PDE3A: variants seen among roughly 807,000 people sequenced by gnomAD.
The protein encoded by PDE3A is phosphodiesterase 3A.
In PDE3A, 43 loss-of-function variants were observed where a neutral mutation model predicts 98.3. The observed-to-expected ratio is 0.44, with a 90% CI of 0.34 to 0.56. PDE3A has a LOEUF of 0.56. PDE3A is among the 20% of genes least tolerant of loss of function. PDE3A has a pLI of 0.01. For synonymous variants in PDE3A, 663 were observed against 567.9 expected (o/e 1.17, Z -2.38); for missense variants, 1,427 against 1,440.7 (o/e 0.99, Z 0.15).
chr12:20,654,305 TA>T (rs1380918879), intron 15 of PDE3A, 100 bp downstream of exon 15: 41 of 1,133,608 alleles, frequency 3.6e-5, no homozygotes. Flanking sequence ...ACTTCAAGTC[TA>T]AACATCATTT....
At chr12:20,668,758 A>G (rs370429812) in intron 15 of PDE3A, among the ~76,000 whole-genome samples, 4 of 151,444 alleles carry the variant, frequency 2.6e-5, no homozygotes, top group Non-Finnish European at 4.4e-5. Context: ...AAAAAACAGA[A>G]CAGAAAAACT....
chr12:20,552,942 C>T lies in PDE3A; in HGVS notation c.961-3718C>T, dbSNP rs1190365684. 5 of 1,572,446 alleles carry T rather than the reference C, an allele frequency of 3.2e-6. No individual in the cohort carries two copies. The highest frequency in any genetic ancestry group is 1.4e-5 in the African/African-American group (1 of 73,830). On this transcript the variant is annotated intron_variant, in intron 1 of 15. Transcript: ENST00000359062. The surrounding 1 kb of genome is among the most constrained non-coding windows in gnomAD (Gnocchi z 5.1). The stretch of plus-strand genomic sequence containing the variant: ...GCTACGACCTGGGCCGCAGCTATGC[C>T]ATGCAGGTGAACCAGCCTCTGCAGA...
chr12:20,539,663 CAGTCACA>C (rs1231606983), intron 1 of PDE3A, among the ~76,000 whole-genome samples: 2 of 152,032 alleles, frequency 1.3e-5, no homozygotes, highest in African/African-American at 2.4e-5. Context: ...GATGGATGAT[CAGTCACA>C]GAAAGTGTCC....
chr12:20,470,709 A>G (rs1411301342), intron 1 of PDE3A, among the ~76,000 whole-genome samples: 1 of 152,138 alleles, frequency 6.6e-6, no homozygotes, highest in African/African-American at 2.4e-5. Flanking sequence ...ACGAATCTTG[A>G]ATAAGCATCA....
At chr12:20,444,991 T>A (rs1483663996) in intron 1 of PDE3A, among the ~76,000 whole-genome samples, 1 of 152,222 alleles carries the variant, frequency 6.6e-6, no homozygotes, top group Non-Finnish European at 1.5e-5. Context: ...AAATACCTAA[T>A]GTCAAGCCTT....
chr12:20,382,627 C>A (rs1398352967), intron 1 of PDE3A, among the ~76,000 whole-genome samples: 1 of 151,886 alleles, frequency 6.6e-6, no homozygotes, highest in Non-Finnish European at 1.5e-5. Flanking sequence ...AGAATATATG[C>A]ACTCTCTAGA....
chr12:20,631,017 T>G (rs1944365584), intron 6 of PDE3A, among the ~76,000 whole-genome samples: 1 of 152,152 alleles, frequency 6.6e-6, no homozygotes, highest in Non-Finnish European at 1.5e-5. Flanking sequence ...AAATAGCAAC[T>G]TATATTAAGC....
chr12:20,418,419 C>T (rs962972092), intron 1 of PDE3A, among the ~76,000 whole-genome samples: 14 of 152,104 alleles, frequency 9.2e-5, no homozygotes, highest in Non-Finnish European at 4.4e-5. Context: ...ATTATGTGCA[C>T]CAGATTTGGT....
intron 1 of PDE3A, among the ~76,000 whole-genome samples, chr12:20,403,713 A>G (rs1298875703): frequency 3.3e-5 from 5 of 152,166 alleles, no homozygotes; most frequent in Non-Finnish European, 5.9e-5. Flanking sequence ...TGTCTTTTTT[A>G]TAAGGCCTCC....
At position 20,369,020 on chromosome 12, in the gene PDE3A, G is replaced by T. The variant is rs1016060568; in HGVS notation, c.-265G>T. ...AAGAGAGAAAAGGGGAATCCTGATCGTTTCTGCCCGTGCTTGTTTTCAACT... is the reference window on the plus strand; with the variant it reads ...AAGAGAGAAAAGGGGAATCCTGATCTTTTCTGCCCGTGCTTGTTTTCAACT... On this transcript the variant is annotated 5_prime_UTR_variant, in exon 1 of 16. Transcript: ENST00000359062. Among the ~76,000 whole-genome samples, 2 of 152,196 alleles carry T rather than the reference G, an allele frequency of 1.3e-5. No homozygotes were observed. Among genetic ancestry groups the T allele is most frequent in the African/African-American group, 4.8e-5 (2 of 41,464 alleles).
chr12:20,653,356 A>G (rs1393854641), intron 14 of PDE3A, among the ~76,000 whole-genome samples: 5 of 151,822 alleles, frequency 3.3e-5, no homozygotes, highest in East Asian at 1.9e-4. Flanking sequence ...TTTTAAAAAA[A>G]TTGTTCTCAC....
At chr12:20,506,222 C>T (rs1946116245) in intron 1 of PDE3A, among the ~76,000 whole-genome samples, 1 of 151,806 alleles carries the variant, frequency 6.6e-6, no homozygotes, top group Non-Finnish European at 1.5e-5. Flanking sequence ...GAGCTAACCT[C>T]ACCTATAAAA....
chr12:20,509,364 A>AT (rs11381284), intron 1 of PDE3A, among the ~76,000 whole-genome samples: 26,899 of 151,734 alleles, frequency 0.18, 2,904 homozygotes, highest in South Asian at 0.24. Context: ...AGCACCACCC[A>AT]TTTTTCCCCT....
intron 2 of PDE3A, among the ~76,000 whole-genome samples, chr12:20,598,613 A>G (rs1565443820): frequency 6.6e-6 from 1 of 152,200 alleles, no homozygotes; most frequent in Non-Finnish European, 1.5e-5. Context: ...ACATTTTCTT[A>G]GTTGGTCAGA....
chr12:20,505,867 T>A (rs967922337), intron 1 of PDE3A, among the ~76,000 whole-genome samples: 1 of 152,020 alleles, frequency 6.6e-6, no homozygotes, highest in Non-Finnish European at 1.5e-5. Flanking sequence ...AGCTGCCATA[T>A]ACAAAACAAA....
chr12:20,424,766 A>G (rs1295455596), intron 1 of PDE3A, among the ~76,000 whole-genome samples: 1 of 152,204 alleles, frequency 6.6e-6, no homozygotes, highest in Non-Finnish European at 1.5e-5. Flanking sequence ...AAGTCTTAAC[A>G]GTGATTATAA....
At chr12:20,598,794 T>G (rs1943524611) in intron 2 of PDE3A, among the ~76,000 whole-genome samples, 1 of 152,214 alleles carries the variant, frequency 6.6e-6, no homozygotes, top group Admixed American at 6.5e-5. Flanking sequence ...ATATCTCACC[T>G]ATTTCCAAGT....
rs776276108 is a variant in PDE3A, at chr12:20,639,843, C to T, written c.2140-3C>T. The T allele has an allele frequency of 6.0e-6, 8 of 1,339,786 alleles. No homozygotes were observed. Among genetic ancestry groups the T allele is most frequent in the Non-Finnish European group, 1.1e-6 (1 of 930,866 alleles). The allele number at this position is 1,339,786 out of a possible 1,614,324, so 83.0% of individuals were successfully genotyped here. A position where few individuals can be genotyped will look rare whatever the true frequency, so the allele number is the denominator to read the frequency against. ...TTTCATAAGGCTTTGTCTTCTTTTACAGGTATCTTACAGACTTTTTGAAGA... is the reference window on the plus strand; with the variant it reads ...TTTCATAAGGCTTTGTCTTCTTTTATAGGTATCTTACAGACTTTTTGAAGA... On this transcript the variant is annotated splice_region_variant and splice_polypyrimidine_tract_variant and intron_variant, in intron 9 of 15. Coordinates refer to ENST00000359062, the MANE Select transcript of PDE3A (RefSeq NM_000921.5).
intron 1 of PDE3A, among the ~76,000 whole-genome samples, chr12:20,452,045 T>A (rs1945074511): frequency 6.6e-6 from 1 of 152,192 alleles, no homozygotes; most frequent in African/African-American, 2.4e-5. Context: ...CCGATAGGTC[T>A]CAGCTTAGAT....
Sources: gnomAD v4.1 joint callset for allele counts (sites outside exome capture counted in the v4.1 genomes callset) on GRCh38, gnomAD v4.1.1 for gene constraint, Gnocchi (gnomAD v3.1) non-coding constraint, MANE v1.5 for transcripts, NCBI Gene and HGNC (gene_info 2026-07-23, HGNC 2026-07-21) for gene names.